Variants in RPIA observed in about 807,000 individuals in gnomAD.
RPIA encodes the protein ribose-5-phosphate isomerase.
Under a neutral mutation model 37.8 loss-of-function variants are expected in RPIA, and 29 were observed. The ratio of observed to expected loss-of-function variants is 0.77; its 90% CI spans 0.57 to 1.05. The LOEUF (loss-of-function observed/expected upper bound fraction) is 1.05. RPIA is among the 50% of genes least tolerant of loss of function. The pLI is 0.00. For synonymous variants in RPIA, 167 were observed against 157.0 expected (o/e 1.06, Z -0.48); for missense variants, 385 against 413.6 (o/e 0.93, Z 0.60).
At chr2:88,696,567 A>G (rs1005979091) in intron 1 of RPIA, among the ~76,000 whole-genome samples, 7 of 152,016 alleles carry the variant, frequency 4.6e-5, no homozygotes, top group Admixed American at 4.6e-4. Flanking sequence ...TCTTGTATAT[A>G]TATTTAAAAC....
chr2:88,706,934 C>T (rs1258382310), intron 3 of RPIA, among the ~76,000 whole-genome samples: 2 of 152,162 alleles, frequency 1.3e-5, no homozygotes, highest in Admixed American at 6.5e-5. Context: ...ATGTGGGGTG[C>T]TAATGCTGTA....
chr2:88,705,170 C>T (rs1321369681), intron 3 of RPIA, among the ~76,000 whole-genome samples: 1 of 152,132 alleles, frequency 6.6e-6, no homozygotes, highest in East Asian at 1.9e-4. Flanking sequence ...CAATGCTATT[C>T]CCATTAAACT....
chr2:88,719,469 G>C (rs903263092), intron 3 of RPIA, among the ~76,000 whole-genome samples: 3 of 151,784 alleles, frequency 2.0e-5, no homozygotes, highest in African/African-American at 7.3e-5. Flanking sequence ...TAGGGAACCT[G>C]GTATCTTAAA....
At chr2:88,742,361 G>C (rs1673392494) in intron 8 of RPIA, among the ~76,000 whole-genome samples, 1 of 152,158 alleles carries the variant, frequency 6.6e-6, no homozygotes, top group African/African-American at 2.4e-5. Context: ...TTGGCTGTAA[G>C]TATTTGGCTT....
intron 1 of RPIA, among the ~76,000 whole-genome samples, chr2:88,695,211 AGC>A (rs142392619): frequency 2.5e-3 from 382 of 152,316 alleles, no homozygotes; most frequent in Non-Finnish European, 4.1e-3. Flanking sequence ...GAGCCACTCT[AGC>A]AAGTTAATCA....
At chr2:88,699,028 A>G (rs769400129) in intron 2 of RPIA, among the ~76,000 whole-genome samples, 16 of 152,230 alleles carry the variant, frequency 1.1e-4, no homozygotes, top group Non-Finnish European at 2.1e-4. Context: ...CTCAGGAATT[A>G]TCAGCCCCTA....
intron 3 of RPIA, among the ~76,000 whole-genome samples, chr2:88,710,469 C>A (rs547970533): frequency 7.2e-5 from 11 of 152,278 alleles, no homozygotes; most frequent in African/African-American, 2.6e-4. Flanking sequence ...TTTTGGTTCA[C>A]CTCCTGTATG....
chr2:88,712,528 C>T (rs11688367), intron 3 of RPIA, among the ~76,000 whole-genome samples: 3 of 152,180 alleles, frequency 2.0e-5, no homozygotes, highest in Admixed American at 6.5e-5. Flanking sequence ...AGTTCACCCT[C>T]CCTCTCCTCT....
chr2:88,705,751 A>G (rs944644284), intron 3 of RPIA, among the ~76,000 whole-genome samples: 1 of 152,244 alleles, frequency 6.6e-6, no homozygotes, highest in Non-Finnish European at 1.5e-5. Flanking sequence ...AAAAGAAACT[A>G]TCATCAGAGT....
intron 8 of RPIA, among the ~76,000 whole-genome samples, chr2:88,743,866 A>G (rs1673410385): frequency 6.6e-6 from 1 of 151,860 alleles, no homozygotes; most frequent in South Asian, 2.1e-4. Context: ...AGTATCTCCC[A>G]TTTCATTTGT....
intron 3 of RPIA, among the ~76,000 whole-genome samples, chr2:88,716,331 G>C (rs1025607131): frequency 4.6e-5 from 7 of 152,116 alleles, no homozygotes; most frequent in African/African-American, 1.7e-4. Context: ...TCCCTAAAAC[G>C]TGTAAAAGCA....
chr2:88,728,709 G>A (rs575301326), intron 3 of RPIA, among the ~76,000 whole-genome samples: 4 of 152,170 alleles, frequency 2.6e-5, no homozygotes, highest in Admixed American at 2.6e-4. Flanking sequence ...AACGTCAGTG[G>A]TGCTGACTTT....
intron 5 of RPIA, 86 bp from the exon 6 acceptor site, chr2:88,735,583 G>T: frequency 8.4e-7 from 1 of 1,192,294 alleles, no homozygotes; most frequent in Non-Finnish European, 1.3e-6. Context: ...CCAGGATTGA[G>T]TGGATTTGGG....
chr2:88,710,150 G>A (rs1008096414), intron 3 of RPIA, among the ~76,000 whole-genome samples: 4 of 152,088 alleles, frequency 2.6e-5, no homozygotes, highest in South Asian at 2.1e-4. Flanking sequence ...GGGCTCAAGC[G>A]ATCCTCCTGC....
intron 3 of RPIA, 130 bp downstream of exon 3, chr2:88,700,194 T>G: frequency 1.2e-6 from 1 of 848,706 alleles, no homozygotes; most frequent in Admixed American, 1.8e-5. Flanking sequence ...AATAGGAGAG[T>G]TTATTGACCA....
intron 3 of RPIA, among the ~76,000 whole-genome samples, chr2:88,724,863 A>G (rs61050066): frequency 1.2e-3 from 187 of 152,330 alleles, no homozygotes; most frequent in African/African-American, 4.2e-3. Context: ...ATTAGGTAGT[A>G]GAAGGGAAAA....
chr2:88,727,081 G>A (rs926134172), intron 3 of RPIA, among the ~76,000 whole-genome samples: 4 of 148,766 alleles, frequency 2.7e-5, no homozygotes, highest in East Asian at 1.9e-4. Flanking sequence ...TCTTGTGTGC[G>A]TGCGTGTGTG....
intron 7 of RPIA, among the ~76,000 whole-genome samples, chr2:88,736,976 C>T (rs1371491026): frequency 6.6e-6 from 1 of 152,096 alleles, no homozygotes; most frequent in African/African-American, 2.4e-5. Flanking sequence ...TGCCTGAGGC[C>T]TGGAACACCC....
At chr2:88,692,108 G>A in intron 1 of RPIA, 125 bp downstream of exon 1, 1 of 1,235,258 alleles carries the variant, frequency 8.1e-7, no homozygotes, top group Non-Finnish European at 1.1e-6. Context: ...TGAGAGGGTA[G>A]AGGGTGTGCA....
Sources: gnomAD v4.1 joint callset for allele counts (sites outside exome capture counted in the v4.1 genomes callset) on GRCh38, gnomAD v4.1.1 for gene constraint, MANE v1.5 for transcripts, NCBI Gene and HGNC (gene_info 2026-07-23, HGNC 2026-07-21) for gene names.